Variants in TMED3 observed in about 807,000 individuals in gnomAD.
The protein encoded by TMED3 is transmembrane p24 trafficking protein 3.
TMED3 carries 9 observed loss-of-function variants against 15.0 expected under a neutral mutation model. That is an observed-to-expected ratio of 0.60 (90% CI 0.36 to 1.04). The LOEUF (loss-of-function observed/expected upper bound fraction) is 1.04. TMED3 is among the 50% of genes least tolerant of loss of function. TMED3 has a pLI of 0.01. For missense variants in TMED3, 267 were observed against 278.9 expected (o/e 0.96, Z 0.30); for synonymous variants, 117 against 121.4 (o/e 0.96, Z 0.24).
At chr15:79,348,449 G>A (rs1231053406) in intron 2 of TMED3, among the ~76,000 whole-genome samples, 1 of 152,168 alleles carries the variant, frequency 6.6e-6, no homozygotes, top group African/African-American at 2.4e-5. Context: ...TAAGAATGCT[G>A]ATGGAAATGC....
At chr15:79,347,710 A>G (rs1252512892) in intron 2 of TMED3, among the ~76,000 whole-genome samples, 5 of 152,190 alleles carry the variant, frequency 3.3e-5, no homozygotes, top group Admixed American at 6.5e-5. Flanking sequence ...CAATGTGCAA[A>G]AATTACTAAC....
chr15:79,313,650 A>G (rs1271176694), intron 1 of TMED3, 107 bp from the exon 2 acceptor site: 9 of 1,422,652 alleles, frequency 6.3e-6, no homozygotes, highest in Middle Eastern at 2.1e-4. Flanking sequence ...GAAAGTTTTG[A>G]AGATGAAGTG....
At chr15:79,368,693 C>A (rs546232385) in intron 2 of TMED3, among the ~76,000 whole-genome samples, 8 of 152,238 alleles carry the variant, frequency 5.3e-5, no homozygotes, top group African/African-American at 1.9e-4. Context: ...TGTAACTGAG[C>A]ACCTCCATTT....
chr15:79,396,463 T>C (rs1893764216), intron 2 of TMED3, among the ~76,000 whole-genome samples: 1 of 152,180 alleles, frequency 6.6e-6, no homozygotes, highest in African/African-American at 2.4e-5. Flanking sequence ...CCATCCTAAG[T>C]AGAAACATCA....
intron 2 of TMED3, among the ~76,000 whole-genome samples, chr15:79,331,521 C>T (rs1190714083): frequency 1.3e-4 from 11 of 82,652 alleles, no homozygotes; most frequent in Non-Finnish European, 2.6e-4. Flanking sequence ...AATAAGACCT[C>T]AAAAGAACAG....
chr15:79,407,399 T>C (rs1893915775), intron 2 of TMED3, among the ~76,000 whole-genome samples: 1 of 152,200 alleles, frequency 6.6e-6, no homozygotes, highest in Non-Finnish European at 1.5e-5. Context: ...TATAGGTACA[T>C]ATTAGCCTGT....
At chr15:79,337,728 A>G (rs950109636) in intron 2 of TMED3, among the ~76,000 whole-genome samples, 2 of 152,240 alleles carry the variant, frequency 1.3e-5, no homozygotes, top group African/African-American at 2.4e-5. Flanking sequence ...TAGTGATCAA[A>G]TCCTGACTCT....
intron 2 of TMED3, among the ~76,000 whole-genome samples, chr15:79,354,380 G>C (rs969023150): frequency 6.6e-6 from 1 of 152,030 alleles, no homozygotes; most frequent in Non-Finnish European, 1.5e-5. Context: ...CAGATCCTGG[G>C]GGAAGTTTTC....
Position 79,322,128 on chromosome 15 carries a change from C to T in TMED3, c.568C>T (p.Leu190=). 1.9e-6 allele frequency: 3 copies of T among 1,614,218 alleles called. No individual in the cohort carries two copies. The highest frequency in any genetic ancestry group is 2.5e-6 in the Non-Finnish European group (3 of 1,180,036). The change falls in exon 3 of 3, where the codon CTG becomes TTG. Residue 190 remains leucine (L), a synonymous_variant. Transcript: ENST00000299705. ...CTGGTCTGTTGGCGAGACGATTGCC[C>T]TGTTCGTGGTCAGCTTCAGTCAGGT... ...SYWSVGETIA[L]FVVSFSQVLL... is the part of the protein sequence containing the mutation.
intron 2 of TMED3, among the ~76,000 whole-genome samples, chr15:79,400,178 C>G (rs947976136): frequency 3.3e-5 from 5 of 152,230 alleles, no homozygotes; most frequent in Non-Finnish European, 4.4e-5. Context: ...CACCATTCTG[C>G]TGTCACTCCT....
chr15:79,319,078 A>G (rs1290056660), intron 2 of TMED3, among the ~76,000 whole-genome samples: 1 of 152,228 alleles, frequency 6.6e-6, no homozygotes, highest in Non-Finnish European at 1.5e-5. Context: ...AGAAAACAGG[A>G]CAGAGGTACT....
chr15:79,407,267 C>A (rs1416041797), intron 2 of TMED3, among the ~76,000 whole-genome samples: 2 of 152,202 alleles, frequency 1.3e-5, no homozygotes, highest in Admixed American at 1.3e-4. Context: ...GGATATTAAA[C>A]CCCGAGTCAG....
intron 2 of TMED3, among the ~76,000 whole-genome samples, chr15:79,354,445 C>A (rs118070182): frequency 0.012 from 1,830 of 152,122 alleles, 81 homozygotes; most frequent in East Asian, 0.11. Context: ...AAGGCTTTGC[C>A]GCAGCCAGAA....
At chr15:79,379,748 ACTTTC>A (rs1893489014) in intron 2 of TMED3, among the ~76,000 whole-genome samples, 1 of 152,212 alleles carries the variant, frequency 6.6e-6, no homozygotes, top group Non-Finnish European at 1.5e-5. Context: ...TACTGATCAA[ACTTTC>A]CTTATGTATT....
chr15:79,378,090 T>C lies in TMED3; in HGVS notation c.418-33310T>C, dbSNP rs148142072. ...TATTGGTCATGCCATCAAAATTCCC[T>C]GTATCAAAATTACGAATGGAAATTG... On this transcript the variant is annotated intron_variant, in intron 2 of 2. Transcript: ENST00000424155. 1.4e-4 allele frequency among the ~76,000 whole-genome samples: 21 copies of C among 152,374 alleles called. No homozygotes were observed. In the East Asian group the frequency reaches 4.0e-3, roughly 29 times the overall value.
chr15:79,380,927 A>T (rs1253418503), intron 2 of TMED3, among the ~76,000 whole-genome samples: 1 of 152,098 alleles, frequency 6.6e-6, no homozygotes, highest in Non-Finnish European at 1.5e-5. Context: ...CAGTTTTTTT[A>T]CAGCTCAGGG....
At chr15:79,361,301 C>G (rs1283039423) in intron 2 of TMED3, among the ~76,000 whole-genome samples, 1 of 152,178 alleles carries the variant, frequency 6.6e-6, no homozygotes, top group Admixed American at 6.5e-5. Flanking sequence ...TAAAACTTAT[C>G]TCATATGATT....
chr15:79,363,603 G>A (rs924732653), intron 2 of TMED3, among the ~76,000 whole-genome samples: 2 of 151,216 alleles, frequency 1.3e-5, no homozygotes, highest in African/African-American at 4.9e-5. Flanking sequence ...GTATATGAAA[G>A]TGACTTCACC....
chr15:79,347,280 C>T (rs978196962), intron 2 of TMED3, among the ~76,000 whole-genome samples: 1 of 152,070 alleles, frequency 6.6e-6, no homozygotes, highest in Non-Finnish European at 1.5e-5. Context: ...GACAAAAAAC[C>T]CACATGATTA....
Sources: allele counts gnomAD v4.1 joint callset (sites outside exome capture counted in the v4.1 genomes callset), GRCh38; gene constraint gnomAD v4.1.1; transcripts MANE v1.5; gene names NCBI Gene and HGNC (gene_info 2026-07-23, HGNC 2026-07-21).